RIMS1: variants seen among roughly 807,000 people sequenced by gnomAD.
RIMS1 encodes regulating synaptic membrane exocytosis protein 1.
Under a neutral mutation model 214.1 loss-of-function variants are expected in RIMS1, and 83 were observed. The ratio of observed to expected loss-of-function variants is 0.39; its 90% CI spans 0.32 to 0.47. The LOEUF (loss-of-function observed/expected upper bound fraction) is 0.47, where lower values mean the gene tolerates loss of function less well. RIMS1 is among the 20% of genes least tolerant of loss of function. RIMS1 has a pLI of 0.99. For missense variants in RIMS1, 2,050 were observed against 2,161.8 expected (o/e 0.95, Z 1.03); for synonymous variants, 793 against 786.8 (o/e 1.01, Z -0.13).
At chr6:72,391,352 C>CTTTTTTT (rs1344795955) in intron 30 of RIMS1, among the ~76,000 whole-genome samples, 1 of 134,448 alleles carries the variant, frequency 7.4e-6, no homozygotes, top group African/African-American at 2.7e-5. Context: ...GATTCTTTTT[C>CTTTTTTT]TTTTTTTTTT....
chr6:72,102,012 T>C (rs2033708978), intron 4 of RIMS1, among the ~76,000 whole-genome samples: 1 of 151,966 alleles, frequency 6.6e-6, no homozygotes, highest in South Asian at 2.1e-4. Context: ...TTTTACTTCA[T>C]TAAAAGCCCT....
intron 2 of RIMS1, among the ~76,000 whole-genome samples, chr6:72,018,404 G>A (rs1429594261): frequency 6.6e-6 from 1 of 152,138 alleles, no homozygotes; most frequent in Non-Finnish European, 1.5e-5. Flanking sequence ...TTGTGTGTGT[G>A]TGTTGGTAGG....
intron 29 of RIMS1, among the ~76,000 whole-genome samples, chr6:72,348,252 AT>A (rs1305744791): frequency 1.3e-5 from 2 of 151,870 alleles, no homozygotes; most frequent in Non-Finnish European, 2.9e-5. Context: ...TTATACACAA[AT>A]TTTTTTGTCA....
intron 6 of RIMS1, among the ~76,000 whole-genome samples, chr6:72,192,827 T>C (rs1003578894): frequency 6.6e-6 from 1 of 152,188 alleles, no homozygotes; most frequent in African/African-American, 2.4e-5. Flanking sequence ...TCTACCTGCT[T>C]TTATTCTGGC....
intron 4 of RIMS1, among the ~76,000 whole-genome samples, chr6:72,170,889 ATAT>A (rs986474756): frequency 6.6e-6 from 1 of 152,216 alleles, no homozygotes; most frequent in Non-Finnish European, 1.5e-5. Flanking sequence ...GCTAATAAAA[ATAT>A]TATTGAATGT....
intron 4 of RIMS1, among the ~76,000 whole-genome samples, chr6:72,153,991 T>C (rs1196841866): frequency 6.6e-6 from 1 of 152,142 alleles, no homozygotes; most frequent in Non-Finnish European, 1.5e-5. Flanking sequence ...ACATAACTCT[T>C]ACCTAATGAA....
At chr6:72,306,267 A>G (rs1465847786) in intron 26 of RIMS1, among the ~76,000 whole-genome samples, 2 of 152,100 alleles carry the variant, frequency 1.3e-5, no homozygotes, top group African/African-American at 4.8e-5. Flanking sequence ...ACACACACAC[A>G]CACAGCCCTA....
intron 4 of RIMS1, among the ~76,000 whole-genome samples, chr6:72,100,796 T>C (rs2153808968): frequency 6.6e-6 from 1 of 152,094 alleles, no homozygotes; most frequent in African/African-American, 2.4e-5. Context: ...CTGCCTTTGT[T>C]CAAAAATTTT....
intron 29 of RIMS1, among the ~76,000 whole-genome samples, chr6:72,342,188 C>T (rs2097114889): frequency 6.6e-6 from 1 of 151,870 alleles, no homozygotes; most frequent in African/African-American, 2.4e-5. Context: ...ATAGAGCTCT[C>T]TGACTTCACT....
At chr6:72,367,228 G>A (rs887097929) in intron 29 of RIMS1, among the ~76,000 whole-genome samples, 4 of 151,972 alleles carry the variant, frequency 2.6e-5, no homozygotes, top group African/African-American at 7.2e-5. Flanking sequence ...AAATCTTAAC[G>A]GTATCATAAA....
At chr6:72,080,421 T>C (rs1010365411) in intron 2 of RIMS1, among the ~76,000 whole-genome samples, 3 of 152,148 alleles carry the variant, frequency 2.0e-5, no homozygotes, top group Non-Finnish European at 4.4e-5. Flanking sequence ...ACTTCCATTG[T>C]CTGTAAGCTG....
rs777319234 is a variant in RIMS1 at position 72,237,968 on chromosome 6, T to C, written c.1957+46T>C. On this transcript the variant is annotated intron_variant, in intron 9 of 33. Coordinates refer to ENST00000521978, the MANE Select transcript of RIMS1 (RefSeq NM_014989.7). Reference sequence around the variant, plus strand: ...ATTTAAACAGTGTGTTCTCCATGCATGAACATGAATTGGTGGTTTTCAATT... The same window carrying C: ...ATTTAAACAGTGTGTTCTCCATGCACGAACATGAATTGGTGGTTTTCAATT... 3 of 1,327,408 alleles carry C rather than the reference T, an allele frequency of 2.3e-6. No homozygotes were observed. The South Asian group carries it at 3.9e-5, about 17-fold the overall frequency. 82.2% of individuals were successfully genotyped at this position (1,327,408 alleles called of 1,614,324 possible).
chr6:72,251,159 TATTAC>T, intron 14 of RIMS1, 51 bp from the exon 15 acceptor site: 1 of 1,557,448 alleles, frequency 6.4e-7, no homozygotes. Context: ...TTATGATTAC[TATTAC>T]ATTATGTTTT....
intron 1 of RIMS1, among the ~76,000 whole-genome samples, chr6:71,921,943 G>A (rs995768764): frequency 1.6e-4 from 25 of 152,084 alleles, no homozygotes; most frequent in Admixed American, 1.5e-3. Flanking sequence ...TGTGGATATT[G>A]TAAATTTTTG....
rs577944610 is a variant in RIMS1 at position 72,368,742 on chromosome 6, A to G, written c.4367-21856A>G. On this transcript the variant is annotated intron_variant, in intron 29 of 33. Coordinates refer to ENST00000521978, the MANE Select transcript of RIMS1 (RefSeq NM_014989.7). ...ATGACAAGTTAGATAAAAGGGAAAG[A>G]TTTTATTTAAAGTTTATTGCATTAA... Among the ~76,000 whole-genome samples, 16 of 152,248 alleles carry G rather than the reference A, an allele frequency of 1.1e-4. No homozygotes were observed. In the South Asian group the frequency reaches 3.1e-3, roughly 30 times the overall value.
At chr6:72,241,181 C>A (rs1003752222) in intron 9 of RIMS1, among the ~76,000 whole-genome samples, 1 of 152,122 alleles carries the variant, frequency 6.6e-6, no homozygotes, top group Non-Finnish European at 1.5e-5. Flanking sequence ...TTAAAAAATT[C>A]TAGGTATACA....
chr6:72,122,994 T>G (rs1333029704), intron 4 of RIMS1, among the ~76,000 whole-genome samples: 1 of 151,918 alleles, frequency 6.6e-6, no homozygotes, highest in Non-Finnish European at 1.5e-5. Flanking sequence ...CAGATCTTAG[T>G]TTTTTCTTGT....
intron 6 of RIMS1, among the ~76,000 whole-genome samples, chr6:72,210,933 TAACAGAATGA>T (rs1308729071): frequency 1.3e-5 from 2 of 152,058 alleles, no homozygotes; most frequent in Non-Finnish European, 2.9e-5. Flanking sequence ...TTGGAAGAAA[TAACAGAATGA>T]AATATTATGC....
At chr6:72,349,642 C>A (rs2789591) in intron 29 of RIMS1, among the ~76,000 whole-genome samples, 21 of 151,860 alleles carry the variant, frequency 1.4e-4, no homozygotes, top group African/African-American at 5.1e-4. Context: ...AGGAAGGATT[C>A]TTTAAAGGAA....
Sources: gnomAD v4.1 joint callset for allele counts (sites outside exome capture counted in the v4.1 genomes callset) on GRCh38, gnomAD v4.1.1 for gene constraint, MANE v1.5 for transcripts, NCBI Gene and HGNC (gene_info 2026-07-23, HGNC 2026-07-21) for gene names.